TRDMT1: variants seen among roughly 807,000 people sequenced by gnomAD.
TRDMT1 encodes the protein tRNA (cytosine(38)-C(5))-methyltransferase.
A neutral mutation model predicts 51.2 loss-of-function variants in TRDMT1; 49 were observed. The ratio of observed to expected loss-of-function variants is 0.96; its 90% CI spans 0.76 to 1.21. TRDMT1 has a LOEUF of 1.21. TRDMT1 is among the 50% of genes most tolerant of loss of function. The pLI is 0.00. For missense variants in TRDMT1, 534 were observed against 462.3 expected, an observed-to-expected ratio of 1.16 and a Z score of -1.42; for synonymous variants, 187 against 164.6, an observed-to-expected ratio of 1.14 and a Z score of -1.04.
In TRDMT1 at chr10:17,181,161, T is replaced by C. The variant is rs545185043; in HGVS notation, c.65-6501A>G. Among the ~76,000 whole-genome samples the C allele has an allele frequency of 1.5e-4, 23 of 152,318 alleles. 1 individual carries two copies. In the South Asian group the frequency reaches 4.6e-3, roughly 30 times the overall value. On this transcript the variant is annotated intron_variant, in intron 1 of 10. Transcript: ENST00000377799. ...CAGCCATGGACTAAAGTCAGACTAA[T>C]GAGACAGAATAAGTGCATCACACTC...
rs1838144621 is a variant in TRDMT1, at chr10:17,146,757, A to C, written c.*2283T>G. 1 of 985,336 alleles carries C rather than the reference A, an allele frequency of 1.0e-6. No homozygotes were observed. The highest frequency in any genetic ancestry group is 1.7e-5 in the African/African-American group (1 of 57,242). 61.0% of individuals were successfully genotyped at this position (985,336 alleles called of 1,614,324 possible). A position where few individuals can be genotyped will look rare whatever the true frequency, so the allele number is the denominator to read the frequency against. On this transcript the variant is annotated 3_prime_UTR_variant, in exon 11 of 11. Transcript: ENST00000377799. ...CCAAATATCAGGAAACAGAATTTCCAGTGCAAATTTTATATACAGCATTAT... is the reference window on the plus strand; with the variant it reads ...CCAAATATCAGGAAACAGAATTTCCCGTGCAAATTTTATATACAGCATTAT...
rs748838378 is a variant in TRDMT1, at chr10:17,145,873, T to C, written c.*3167A>G. 9 of 985,350 alleles carry C rather than the reference T, an allele frequency of 9.1e-6. No homozygotes were observed. The highest frequency in any genetic ancestry group is 6.1e-5 in the Admixed American group (1 of 16,270). The allele number at this position is 985,350 out of a possible 1,614,324, so 61.0% of individuals were successfully genotyped here. A position where few individuals can be genotyped will look rare whatever the true frequency, so the allele number is the denominator to read the frequency against. On this transcript the variant is annotated 3_prime_UTR_variant, in exon 11 of 11. Transcript: ENST00000377799. Reference sequence around the variant, plus strand: ...GTTGCTTCTTTGTTCTGTTCTGCTATGGCTAAAATTAAATCAGTTGTATTT... The same window carrying C: ...GTTGCTTCTTTGTTCTGTTCTGCTACGGCTAAAATTAAATCAGTTGTATTT...
intron 1 of TRDMT1, among the ~76,000 whole-genome samples, chr10:17,194,598 T>C (rs763449719): frequency 1.3e-5 from 2 of 151,868 alleles, no homozygotes; most frequent in African/African-American, 2.4e-5. Context: ...AAAACCACAA[T>C]AGGACAGCAT....
rs1839664284 is a variant in TRDMT1 at position 17,157,339 on chromosome 10, A to T, written c.887+102T>A. ...GAAAATACCTCATTCTAGCAAAAAC[A>T]TTTTATAAAATGCTCCTTGTTTTTA... On this transcript the variant is annotated intron_variant, in intron 8 of 10. Coordinates refer to ENST00000377799, the MANE Select transcript of TRDMT1 (RefSeq NM_004412.7). 3.4e-6 allele frequency: 4 copies of T among 1,179,372 alleles called. No homozygotes were observed. In the East Asian group the frequency reaches 9.7e-5, roughly 29 times the overall value. The allele number at this position is 1,179,372 out of a possible 1,614,324, so 73.1% of individuals were successfully genotyped here.
intron 2 of TRDMT1, among the ~76,000 whole-genome samples, chr10:17,173,903 T>C (rs533204650): frequency 6.6e-6 from 1 of 151,924 alleles, no homozygotes; most frequent in East Asian, 1.9e-4. Flanking sequence ...TAGCTGGGAC[T>C]ACAGGCATGT....
intron 7 of TRDMT1, among the ~76,000 whole-genome samples, chr10:17,158,914 T>C (rs1839918981): frequency 6.6e-6 from 1 of 152,116 alleles, no homozygotes; most frequent in African/African-American, 2.4e-5. Context: ...TCATTTGTTT[T>C]CTAATGAGAA....
intron 2 of TRDMT1, among the ~76,000 whole-genome samples, chr10:17,170,132 G>A (rs1429074227): frequency 6.6e-6 from 1 of 152,168 alleles, no homozygotes; most frequent in Admixed American, 6.5e-5. Flanking sequence ...TCGAAAGGAA[G>A]TAAACAGAGT....
rs1459955428 is a variant in TRDMT1, at chr10:17,144,756, T to C, written c.*4284A>G. On this transcript the variant is annotated 3_prime_UTR_variant, in exon 11 of 11. Transcript: ENST00000377799. ...GAGCATGAGTACCTTAAAATGTTCC[T>C]AGACAGCCTAAAGAGAGAAACGGAA... The C allele has an allele frequency of 4.1e-6, 4 of 985,232 alleles. No homozygotes were observed. The highest frequency in any genetic ancestry group is 4.8e-6 in the Non-Finnish European group (4 of 829,910). 61.0% of individuals were successfully genotyped at this position (985,232 alleles called of 1,614,324 possible). A position where few individuals can be genotyped will look rare whatever the true frequency, so the allele number is the denominator to read the frequency against.
rs913158371 is a variant in TRDMT1, at chr10:17,143,828, T to G, written c.*5212A>C. The G allele has an allele frequency of 2.0e-6, 2 of 985,294 alleles. No homozygotes were observed. Among genetic ancestry groups the G allele is most frequent in the Admixed American group, 6.2e-5 (1 of 16,258 alleles). The allele number at this position is 985,294 out of a possible 1,614,324, so 61.0% of individuals were successfully genotyped here. A position where few individuals can be genotyped will look rare whatever the true frequency, so the allele number is the denominator to read the frequency against. On this transcript the variant is annotated 3_prime_UTR_variant, in exon 11 of 11. Transcript: ENST00000377799. ...GGTTATGAAGCTTGAACTTGGAAGATGTGGAGACTAACCGTACCATAAATA... is the reference window on the plus strand; with the variant it reads ...GGTTATGAAGCTTGAACTTGGAAGAGGTGGAGACTAACCGTACCATAAATA...
chr10:17,154,314 A>G (rs1438896418), intron 9 of TRDMT1, among the ~76,000 whole-genome samples: 1 of 152,164 alleles, frequency 6.6e-6, no homozygotes. Flanking sequence ...CCTTAAAAGG[A>G]AGTTTTATAG....
At chr10:17,186,819 C>T (rs1435894531) in intron 1 of TRDMT1, among the ~76,000 whole-genome samples, 2 of 152,110 alleles carry the variant, frequency 1.3e-5, no homozygotes, top group African/African-American at 4.8e-5. Flanking sequence ...AAATACTGTA[C>T]TTTCATAAAG....
intron 10 of TRDMT1, chr10:17,151,540 C>A (rs556685625): frequency 1.0e-6 from 1 of 985,262 alleles, no homozygotes; most frequent in Non-Finnish European, 1.2e-6. Flanking sequence ...AGTTGTGTCA[C>A]GGTGCTGCTC....
At chr10:17,187,025 G>C (rs1844027482) in intron 1 of TRDMT1, among the ~76,000 whole-genome samples, 1 of 152,140 alleles carries the variant, frequency 6.6e-6, no homozygotes, top group South Asian at 2.1e-4. Context: ...TTATGCATTA[G>C]CATCATTGGT....
chr10:17,156,130 G>A (rs945913103), intron 8 of TRDMT1, among the ~76,000 whole-genome samples: 1 of 152,124 alleles, frequency 6.6e-6, no homozygotes, highest in Non-Finnish European at 1.5e-5. Context: ...TTAATAGCTA[G>A]CTAGAAGGTA....
At position 17,142,084 on chromosome 10, in the gene TRDMT1, G is replaced by A. The variant is rs1424865341; in HGVS notation, c.*6956C>T. 6.6e-6 allele frequency among the ~76,000 whole-genome samples: 1 copy of A among 152,114 alleles called. No homozygotes were observed. On this transcript the variant is annotated 3_prime_UTR_variant, in exon 11 of 11. Transcript: ENST00000377799. ...GTGGCAAGACAACTTGTAATTACCTGTTGAAGCATTTTTATGAGAGTTGCT... is the reference window on the plus strand; with the variant it reads ...GTGGCAAGACAACTTGTAATTACCTATTGAAGCATTTTTATGAGAGTTGCT...
Position 17,187,250 on chromosome 10 carries a change from C to T in TRDMT1, c.65-12590G>A, listed in dbSNP as rs78775828. Among the ~76,000 whole-genome samples the T allele has an allele frequency of 1.2e-3, 189 of 151,814 alleles. 1 individual carries two copies. Among genetic ancestry groups the T allele is most frequent in the African/African-American group, 4.2e-3 (175 of 41,400 alleles). ...TTTAACAAATGTATTACTAATATTG[C>T]TAAAAATAAAAAACAAGAAATGCAC... On this transcript the variant is annotated intron_variant, in intron 1 of 10. Transcript: ENST00000377799.
chr10:17,140,483 C>A lies in TRDMT1; in HGVS notation c.*8557G>T, dbSNP rs186148785. Among the ~76,000 whole-genome samples the A allele has an allele frequency of 1.4e-4, 22 of 152,108 alleles. No individual in the cohort carries two copies. The highest frequency in any genetic ancestry group is 2.4e-4 in the Non-Finnish European group (16 of 67,982). Reference sequence around the variant, plus strand: ...AATTGGACAATTATTTATTAGGTACCCACTATCTGTCAGCATCTGAGAAAG... The same window carrying A: ...AATTGGACAATTATTTATTAGGTACACACTATCTGTCAGCATCTGAGAAAG... On this transcript the variant is annotated 3_prime_UTR_variant, in exon 11 of 11. Transcript: ENST00000377799.
intron 3 of TRDMT1, among the ~76,000 whole-genome samples, chr10:17,165,185 G>T (rs537106513): frequency 6.6e-6 from 1 of 152,062 alleles, no homozygotes; most frequent in Admixed American, 6.5e-5. Flanking sequence ...TAGATCAATG[G>T]AACAGAACAG....
Position 17,147,361 on chromosome 10 carries a change from T to C in TRDMT1, c.*1679A>G, listed in dbSNP as rs1241546539. ...ATATTTATCTATGAGTTCTGAAAAA[T>C]TGGTAATAGAGTATGATTTTTTCAA... On this transcript the variant is annotated 3_prime_UTR_variant, in exon 11 of 11. Transcript: ENST00000377799. 22 of 984,736 alleles carry C rather than the reference T, an allele frequency of 2.2e-5. No homozygotes were observed. Among genetic ancestry groups the C allele is most frequent in the Non-Finnish European group, 2.5e-5 (21 of 829,434 alleles). The allele number at this position is 984,736 out of a possible 1,614,324, so 61.0% of individuals were successfully genotyped here. A position where few individuals can be genotyped will look rare whatever the true frequency, so the allele number is the denominator to read the frequency against.
Sources: gnomAD v4.1 joint callset for allele counts (sites outside exome capture counted in the v4.1 genomes callset) on GRCh38, gnomAD v4.1.1 for gene constraint, MANE v1.5 for transcripts, NCBI Gene and HGNC (gene_info 2026-07-23, HGNC 2026-07-21) for gene names.